Variants in EIF3I observed in about 807,000 individuals in gnomAD.
EIF3I encodes TGF-beta receptor-interacting protein 1.
Under a neutral mutation model 43.3 loss-of-function variants are expected in EIF3I, and 20 were observed. The observed-to-expected ratio is 0.46, with a 90% CI of 0.32 to 0.67. The LOEUF (loss-of-function observed/expected upper bound fraction) is 0.67, where lower values mean the gene tolerates loss of function less well. Among genes scored for constraint, EIF3I ranks in the 30% least tolerant of loss-of-function variants. The probability of loss-of-function intolerance (pLI) is 0.03; values close to 1 mark genes in which losing one functional copy is unlikely to be tolerated. For missense variants in EIF3I, 279 were observed against 421.4 expected, an observed-to-expected ratio of 0.66 and a Z score of 2.96; for synonymous variants, 167 against 151.7, an observed-to-expected ratio of 1.10 and a Z score of -0.74.
intron 6 of EIF3I, among the ~76,000 whole-genome samples, chr1:32,228,111 G>A (rs538665495): frequency 1.8e-4 from 27 of 152,354 alleles, no homozygotes; most frequent in Non-Finnish European, 3.4e-4. Flanking sequence ...AGTTAAGAAA[G>A]TATGGAGTCT....
intron 3 of EIF3I, 26 bp downstream of exon 3, chr1:32,224,147 G>A (rs368560671): frequency 1.6e-5 from 26 of 1,610,472 alleles, no homozygotes; most frequent in East Asian, 4.5e-5. Flanking sequence ...GTCTGAGTCC[G>A]TGTTGCTAGG....
At chr1:32,233,269 C>T (rs1639262491), downstream of EIF3I, among the ~76,000 whole-genome samples, 1 of 152,182 alleles carries the variant, frequency 6.6e-6, no homozygotes, top group African/African-American at 2.4e-5. Flanking sequence ...ATTCTCCTGC[C>T]TCAGCCACCT....
chr1:32,223,909 T>G, intron 2 of EIF3I, 125 bp from the exon 3 acceptor site: 1 of 810,334 alleles, frequency 1.2e-6, no homozygotes, highest in East Asian at 2.6e-5. Flanking sequence ...CCCTGCTGTT[T>G]CCCAAGAAAT....
At chr1:32,225,222 C>T (rs1242508702) in intron 4 of EIF3I, among the ~76,000 whole-genome samples, 6 of 152,016 alleles carry the variant, frequency 3.9e-5, no homozygotes, top group Admixed American at 1.3e-4. Flanking sequence ...GTGATCCACC[C>T]GCCTTGGCCT....
chr1:32,234,252 C>T (rs1469985707), downstream of EIF3I: 2 of 148,636 alleles, frequency 1.3e-5, no homozygotes, highest in Admixed American at 6.8e-5. Context: ...GAGCCCAGAT[C>T]GTGCCACTGC....
exon 1 of EIF3I, chr1:32,222,436 G>T (rs529608634): frequency 2.9e-5 from 46 of 1,598,998 alleles, no homozygotes; most frequent in South Asian, 2.7e-4. Context: ...TCGCGTCACA[G>T]CCGGGATGGT....
At chr1:32,224,706 T>C (rs977651703) in intron 4 of EIF3I, among the ~76,000 whole-genome samples, 1 of 150,434 alleles carries the variant, frequency 6.6e-6, no homozygotes, top group African/African-American at 2.4e-5. Flanking sequence ...AGAGTCTCAC[T>C]GTCACCCAGG....
At chr1:32,224,316 G>T in intron 3 of EIF3I, 94 bp from the exon 4 acceptor site, 2 of 1,203,252 alleles carry the variant, frequency 1.7e-6, no homozygotes, top group South Asian at 2.5e-5. Context: ...GGGTAGAAAG[G>T]CTCTTTGGGG....
At chr1:32,224,658 C>CTTTTTTTTT (rs58586351) in intron 4 of EIF3I, among the ~76,000 whole-genome samples, 183 bp downstream of exon 4, 63 of 136,304 alleles carry the variant, frequency 4.6e-4, no homozygotes, top group Middle Eastern at 3.7e-3. Context: ...ATTAAGTTTT[C>CTTTTTTTTT]TTTTTTTTTT....
At chr1:32,226,823 G>GATTT (rs1557555140) in intron 6 of EIF3I, among the ~76,000 whole-genome samples, 3 of 115,696 alleles carry the variant, frequency 2.6e-5, no homozygotes, top group Non-Finnish European at 3.4e-5. Context: ...ACCGCTCGTG[G>GATTT]CTTTTTTTTT....
downstream of EIF3I, chr1:32,231,455 C>A: frequency 2.8e-6 from 1 of 356,940 alleles, no homozygotes; most frequent in South Asian, 2.9e-5. Flanking sequence ...CACGTCATTG[C>A]ACTCCATCCT....
intron 4 of EIF3I, 121 bp from the exon 5 acceptor site, chr1:32,226,050 A>G: frequency 7.6e-7 from 1 of 1,321,318 alleles, no homozygotes; most frequent in South Asian, 1.5e-5. Flanking sequence ...AAAAGTTAAA[A>G]TACTTTTTAA....
chr1:32,229,506 C>T (rs1639200160), intron 9 of EIF3I, among the ~76,000 whole-genome samples: 1 of 151,166 alleles, frequency 6.6e-6, no homozygotes, highest in Admixed American at 6.6e-5. Context: ...CCTCAGCCTC[C>T]CAAAGTGCTG....
intron 4 of EIF3I, among the ~76,000 whole-genome samples, 183 bp downstream of exon 4, chr1:32,224,658 C>CTTT (rs58586351): frequency 5.6e-4 from 76 of 136,330 alleles, no homozygotes; most frequent in African/African-American, 1.2e-3. Context: ...ATTAAGTTTT[C>CTTT]TTTTTTTTTT....
Position 32,224,395 on chromosome 1 carries a change from T to G in EIF3I, c.185-15T>G. ...GCTCGGGTGAACTTCGTCATATTTC[T>G]TAACAACTCTTCAGGGGACACCAAG... is the stretch of plus-strand genomic sequence containing the variant. On this transcript the variant is annotated splice_polypyrimidine_tract_variant and intron_variant, in intron 3 of 11. Transcript: ENST00000676679. The G allele has an allele frequency of 6.2e-7, 1 of 1,612,490 alleles. No individual in the cohort carries two copies. The highest frequency in any genetic ancestry group is 8.5e-7 in the Non-Finnish European group (1 of 1,178,640).
At chr1:32,225,960 G>A (rs1201398335) in intron 4 of EIF3I, among the ~76,000 whole-genome samples, 2 of 152,012 alleles carry the variant, frequency 1.3e-5, no homozygotes, top group Non-Finnish European at 2.9e-5. Context: ...GGCGGAGCTT[G>A]CAGTGAGAGC....
At chr1:32,233,089 G>A (rs1217941145), downstream of EIF3I, among the ~76,000 whole-genome samples, 1 of 152,186 alleles carries the variant, frequency 6.6e-6, no homozygotes, top group African/African-American at 2.4e-5. Flanking sequence ...TGCTTCCCAG[G>A]TGCAAGCAAT....
intron 3 of EIF3I, 30 bp from the exon 4 acceptor site, chr1:32,224,380 A>G: frequency 2.5e-6 from 4 of 1,600,952 alleles, no homozygotes; most frequent in South Asian, 2.2e-5. Context: ...GCTCGGGTGA[A>G]CTTCGTCATA....
chr1:32,225,572 G>A (rs942518192), intron 4 of EIF3I, among the ~76,000 whole-genome samples: 3 of 151,002 alleles, frequency 2.0e-5, no homozygotes, highest in African/African-American at 4.9e-5. Flanking sequence ...GTGAAACCCC[G>A]TCTATTAAAA....
Sources: allele counts gnomAD v4.1 joint callset (sites outside exome capture counted in the v4.1 genomes callset), GRCh38; gene constraint gnomAD v4.1.1; transcripts MANE v1.5; gene names NCBI Gene and HGNC (gene_info 2026-07-23, HGNC 2026-07-21).